TMC3: variants seen among roughly 807,000 people sequenced by gnomAD.
TMC3 encodes the protein transmembrane channel-like protein 3.
In TMC3, 98 loss-of-function variants were observed where a neutral mutation model predicts 110.6. The ratio of observed to expected loss-of-function variants is 0.89; its 90% CI spans 0.75 to 1.05. The LOEUF is 1.05. Ranked by LOEUF, TMC3 falls within the 50% of genes least tolerant of loss-of-function variation. TMC3 has a pLI of 0.00. For missense variants in TMC3, 1,319 were observed against 1,373.2 expected, an observed-to-expected ratio of 0.96 and a Z score of 0.62; for synonymous variants, 489 against 513.1, an observed-to-expected ratio of 0.95 and a Z score of 0.63.
chr15:81,347,667 T>G (rs1285645725), intron 11 of TMC3, among the ~76,000 whole-genome samples: 2 of 152,244 alleles, frequency 1.3e-5, no homozygotes, highest in Non-Finnish European at 2.9e-5. Context: ...ATATGTCTTA[T>G]GCTTATTACC....
At chr15:81,353,100 G>C (rs1237175667) in intron 9 of TMC3, among the ~76,000 whole-genome samples, 1 of 152,106 alleles carries the variant, frequency 6.6e-6, no homozygotes, top group South Asian at 2.1e-4. Flanking sequence ...GGGATTACAG[G>C]TGTGTGCCAC....
chr15:81,360,092 G>A (rs1435618652), intron 4 of TMC3, among the ~76,000 whole-genome samples: 1 of 151,360 alleles, frequency 6.6e-6, no homozygotes, highest in Non-Finnish European at 1.5e-5. Context: ...GGAGTAGGTA[G>A]TTTTATGTCA....
Position 81,358,557 on chromosome 15 carries a change from A to G in TMC3, c.502-57T>C, listed in dbSNP as rs1017797237. 4.9e-5 allele frequency: 69 copies of G among 1,417,030 alleles called. No individual in the cohort carries two copies. In the Admixed American group the frequency reaches 1.4e-3, roughly 28 times the overall value. The allele number at this position is 1,417,030 out of a possible 1,614,324, so 87.8% of individuals were successfully genotyped here. A position where few individuals can be genotyped will look rare whatever the true frequency, so the allele number is the denominator to read the frequency against. On this transcript the variant is annotated intron_variant, in intron 5 of 21. Transcript: ENST00000359440. ...CTCTGGGTGGGAGGGGACCGGGAGA[A>G]AATGAGAGGTTGATCTCCATGTGCT...
chr15:81,337,081 T>TC (rs397751411), intron 19 of TMC3, among the ~76,000 whole-genome samples: 4 of 151,742 alleles, frequency 2.6e-5, no homozygotes, highest in African/African-American at 7.2e-5. Flanking sequence ...TTTTTTTTTT[T>TC]CTGATAGAAG....
At chr15:81,367,754 G>A (rs1003042132) in intron 3 of TMC3, among the ~76,000 whole-genome samples, 14 of 152,144 alleles carry the variant, frequency 9.2e-5, no homozygotes, top group South Asian at 4.1e-4. Flanking sequence ...AAGGGAAGGC[G>A]TCTAGGACTA....
intron 20 of TMC3, 109 bp from the exon 21 acceptor site, chr15:81,335,084 A>G (rs940335203): frequency 1.6e-6 from 2 of 1,219,236 alleles, no homozygotes; most frequent in Non-Finnish European, 2.3e-6. Flanking sequence ...TGGTCCGCAA[A>G]CAATTGAGTG....
At chr15:81,335,572 A>C (rs1472012001) in intron 20 of TMC3, 1 of 154,504 alleles carries the variant, frequency 6.5e-6, no homozygotes, top group Admixed American at 6.3e-5. Flanking sequence ...CTGATGGAGC[A>C]AGCAAGCATA....
chr15:81,371,927 A>G (rs1218107917), intron 2 of TMC3, among the ~76,000 whole-genome samples: 2 of 152,222 alleles, frequency 1.3e-5, no homozygotes, highest in Non-Finnish European at 2.9e-5. Flanking sequence ...CATCGCTTCA[A>G]CTTTAAAAAA....
At position 81,341,478 on chromosome 15, in the gene TMC3, C is replaced by A. The variant is rs201261080; in HGVS notation, c.1756G>T (p.Val586Phe). The A allele has an allele frequency of 6.2e-7, 1 of 1,611,108 alleles. No homozygotes were observed. The highest frequency in any genetic ancestry group is 1.1e-5 in the South Asian group (1 of 90,322). ...FFSPCLPAFN[V>F]LKLIGLMYLR... ...TACATGAGCCCAATGAGTTTGAGAA[C>A]GTTGAACGCTGGGAGACATGGGGAG... Residue 586 changes from valine (V) to phenylalanine (F), a missense_variant, in exon 16 of 22, where the codon GTT (valine) becomes TTT (phenylalanine). Coordinates refer to ENST00000359440, the MANE Select transcript of TMC3 (RefSeq NM_001080532.3).
intron 7 of TMC3, 30 bp from the exon 8 acceptor site, chr15:81,356,624 G>A: frequency 1.3e-6 from 2 of 1,568,732 alleles, no homozygotes; most frequent in Non-Finnish European, 1.7e-6. Context: ...ACAGGTCTTG[G>A]GAGTCTCAGG....
intron 18 of TMC3, 88 bp from the exon 19 acceptor site, chr15:81,338,012 A>G (rs1193983327): frequency 1.9e-6 from 2 of 1,067,434 alleles, no homozygotes; most frequent in African/African-American, 3.1e-5. Flanking sequence ...GTTGGCAGGA[A>G]TGAGAGGCTC....
intron 10 of TMC3, among the ~76,000 whole-genome samples, chr15:81,350,219 AG>A (rs1164611570): frequency 6.6e-6 from 1 of 152,242 alleles, no homozygotes; most frequent in Non-Finnish European, 1.5e-5. Context: ...TGGGCAACAG[AG>A]TGAAACCTTG....
At chr15:81,340,224 GTCTC>G (rs5814056) in intron 16 of TMC3, among the ~76,000 whole-genome samples, 56,230 of 148,200 alleles carry the variant, frequency 0.38, 12,705 homozygotes, top group African/African-American at 0.64. Flanking sequence ...CTCTGTCTCT[GTCTC>G]TCTCTCTCTC....
intron 3 of TMC3, among the ~76,000 whole-genome samples, chr15:81,367,103 A>T (rs1474191054): frequency 6.6e-6 from 1 of 152,176 alleles, no homozygotes; most frequent in African/African-American, 2.4e-5. Flanking sequence ...CTAAGAAAAA[A>T]ATTCAAAAAC....
At chr15:81,373,880 GAAGGAC>G in intron 1 of TMC3, 103 bp downstream of exon 1, 2 of 1,034,420 alleles carry the variant, frequency 1.9e-6, no homozygotes, top group Non-Finnish European at 2.9e-6. Context: ...AGTTCATTCT[GAAGGAC>G]AACTGAGCAG....
chr15:81,345,886 A>G (rs1893817262), intron 12 of TMC3, among the ~76,000 whole-genome samples: 1 of 151,328 alleles, frequency 6.6e-6, no homozygotes, highest in African/African-American at 2.5e-5. Context: ...CAAAAAAGAA[A>G]AAAAAAAAGG....
intron 2 of TMC3, among the ~76,000 whole-genome samples, chr15:81,372,013 T>A (rs1484012614): frequency 6.6e-6 from 1 of 152,158 alleles, no homozygotes; most frequent in Non-Finnish European, 1.5e-5. Context: ...AGTATTTGAA[T>A]CAGGGAATCT....
intron 21 of TMC3, 36 bp from the exon 22 acceptor site, chr15:81,333,298 G>C (rs887102912): frequency 6.4e-7 from 1 of 1,568,152 alleles, no homozygotes; most frequent in Admixed American, 1.8e-5. Flanking sequence ...CTGTGGCCTT[G>C]GTGGTCTCAG....
chr15:81,370,980 T>C (rs1002122162), intron 2 of TMC3, among the ~76,000 whole-genome samples: 3 of 151,638 alleles, frequency 2.0e-5, no homozygotes, highest in Non-Finnish European at 4.4e-5. Flanking sequence ...GCCAAGAACC[T>C]ATGTCTTTTT....
Sources: gnomAD v4.1 joint callset for allele counts (sites outside exome capture counted in the v4.1 genomes callset) on GRCh38, gnomAD v4.1.1 for gene constraint, MANE v1.5 for transcripts, NCBI Gene and HGNC (gene_info 2026-07-23, HGNC 2026-07-21) for gene names.